ZNF385D: variants seen among roughly 807,000 people sequenced by gnomAD.
The protein encoded by ZNF385D is zinc finger protein 385D, also known as zinc finger protein 659.
A neutral mutation model predicts 35.8 loss-of-function variants in ZNF385D; 15 were observed. That is an observed-to-expected ratio of 0.42 (90% CI 0.28 to 0.64). The LOEUF (loss-of-function observed/expected upper bound fraction) is 0.64, where lower values mean the gene tolerates loss of function less well. Among genes scored for constraint, ZNF385D ranks in the 30% least tolerant of loss-of-function variants. ZNF385D has a pLI of 0.23. For synonymous variants in ZNF385D, 212 were observed against 186.8 expected (o/e 1.13, Z -1.10); for missense variants, 474 against 494.6 (o/e 0.96, Z 0.39).
At chr3:21,693,789 A>T (rs537781019) in intron 1 of ZNF385D, among the ~76,000 whole-genome samples, 18 of 152,118 alleles carry the variant, frequency 1.2e-4, no homozygotes, top group South Asian at 6.2e-4. Flanking sequence ...ATAAAAAATG[A>T]TGTATCATTT....
chr3:21,846,769 T>C (rs1478990455), intron 3 of ZNF385D, among the ~76,000 whole-genome samples: 2 of 151,976 alleles, frequency 1.3e-5, no homozygotes, highest in African/African-American at 2.4e-5. Context: ...TTCTAGCGGC[T>C]TAATGGTGCG....
intron 2 of ZNF385D, among the ~76,000 whole-genome samples, chr3:22,293,090 TTA>T (rs1272304117): frequency 9.2e-5 from 14 of 152,138 alleles, no homozygotes; most frequent in African/African-American, 3.4e-4. Context: ...CATTACTGTC[TTA>T]TATATAACTC....
chr3:22,320,830 T>C (rs556132674), intron 2 of ZNF385D, among the ~76,000 whole-genome samples: 6 of 151,940 alleles, frequency 3.9e-5, no homozygotes, highest in Non-Finnish European at 5.9e-5. Context: ...ATTTTATAAG[T>C]GTTCAACATT....
At chr3:22,327,768 G>C (rs924633632) in intron 2 of ZNF385D, among the ~76,000 whole-genome samples, 1 of 152,186 alleles carries the variant, frequency 6.6e-6, no homozygotes, top group Non-Finnish European at 1.5e-5. Flanking sequence ...CTATATTTCA[G>C]TGATGCTGCA....
Position 22,092,335 on chromosome 3 carries a change from A to T in ZNF385D, c.325+76482T>A, listed in dbSNP as rs142777892. 2.5e-4 allele frequency among the ~76,000 whole-genome samples: 38 copies of T among 152,266 alleles called. 1 individual carries two copies. Among genetic ancestry groups the T allele is most frequent in the Admixed American group, 2.2e-3 (33 of 15,288 alleles). Reference sequence around the variant, plus strand: ...TATGCTTCTTGACGTTGGCTCCTACAACACAGCTTGTTTCTACAAAGCCTG... The same window carrying T: ...TATGCTTCTTGACGTTGGCTCCTACTACACAGCTTGTTTCTACAAAGCCTG... On this transcript the variant is annotated intron_variant, in intron 3 of 5. Transcript: ENST00000494108.
In ZNF385D at chr3:22,108,607, G is replaced by A. The variant is rs941454457; in HGVS notation, c.325+60210C>T. 2.0e-5 allele frequency among the ~76,000 whole-genome samples: 3 copies of A among 152,078 alleles called. No individual in the cohort carries two copies. The East Asian group carries it at 5.8e-4, about 29-fold the overall frequency. ...CAAACTTTGCCACTGACTAAGAGAG[G>A]GGCCTTAGAAAAGTTACTTAACCTC... On this transcript the variant is annotated intron_variant, in intron 3 of 5. Coordinates refer to the ZNF385D transcript ENST00000494108.
intron 3 of ZNF385D, among the ~76,000 whole-genome samples, chr3:21,775,892 A>T (rs915862775): frequency 2.6e-5 from 4 of 151,360 alleles, no homozygotes; most frequent in Non-Finnish European, 5.9e-5. Flanking sequence ...TATTAGAAAA[A>T]TTTTAAAAAA....
chr3:22,082,192 G>A (rs1242519996), intron 3 of ZNF385D, among the ~76,000 whole-genome samples: 1 of 152,156 alleles, frequency 6.6e-6, no homozygotes, highest in South Asian at 2.1e-4. Flanking sequence ...TTATCTCACT[G>A]GGACAGGTTG....
intron 2 of ZNF385D, among the ~76,000 whole-genome samples, chr3:22,286,996 A>T (rs1702058377): frequency 6.6e-6 from 1 of 151,978 alleles, no homozygotes; most frequent in Non-Finnish European, 1.5e-5. Flanking sequence ...CAATTAATGT[A>T]TTAGACTCTA....
At chr3:21,837,556 A>T (rs1695405315) in intron 3 of ZNF385D, among the ~76,000 whole-genome samples, 1 of 152,048 alleles carries the variant, frequency 6.6e-6, no homozygotes, top group African/African-American at 2.4e-5. Flanking sequence ...GTTCAGAGCA[A>T]GTCAGAATAC....
intron 3 of ZNF385D, among the ~76,000 whole-genome samples, chr3:22,072,916 C>T (rs939634290): frequency 6.6e-6 from 1 of 151,870 alleles, no homozygotes; most frequent in Non-Finnish European, 1.5e-5. Context: ...AGATTCAGGG[C>T]CAAGAGAAAA....
intron 1 of ZNF385D, among the ~76,000 whole-genome samples, chr3:21,707,192 ACTC>A (rs1475718033): frequency 6.6e-6 from 1 of 152,010 alleles, no homozygotes; most frequent in East Asian, 1.9e-4. Flanking sequence ...TTTTTTAATA[ACTC>A]CTATTTAGAT....
intron 3 of ZNF385D, among the ~76,000 whole-genome samples, chr3:22,049,746 C>T (rs1426931750): frequency 6.6e-6 from 1 of 152,096 alleles, no homozygotes; most frequent in African/African-American, 2.4e-5. Flanking sequence ...TTTTCAGCAT[C>T]CATTGAAATG....
intron 3 of ZNF385D, among the ~76,000 whole-genome samples, chr3:22,102,278 A>T (rs1701979228): frequency 6.6e-6 from 1 of 151,926 alleles, no homozygotes; most frequent in Admixed American, 6.6e-5. Flanking sequence ...TACACTCATG[A>T]TTTCACTTCA....
intron 3 of ZNF385D, among the ~76,000 whole-genome samples, chr3:21,771,429 CA>C (rs892973944): frequency 1.1e-4 from 17 of 151,418 alleles, no homozygotes; most frequent in African/African-American, 3.6e-4. Flanking sequence ...CAGTTTTTAG[CA>C]AGAAAATAAA....
At chr3:22,142,815 C>T (rs1559403374) in intron 3 of ZNF385D, among the ~76,000 whole-genome samples, 1 of 152,030 alleles carries the variant, frequency 6.6e-6, no homozygotes, top group Non-Finnish European at 1.5e-5. Context: ...CACAGCTTCT[C>T]TCAAAACAGC....
At chr3:22,172,123 A>C (rs1576442026) in intron 2 of ZNF385D, among the ~76,000 whole-genome samples, 1 of 152,282 alleles carries the variant, frequency 6.6e-6, no homozygotes, top group East Asian at 1.9e-4. Flanking sequence ...CAATTTGTCC[A>C]CTTTTTTCCC....
chr3:22,188,892 T>A (rs190286110), intron 2 of ZNF385D, among the ~76,000 whole-genome samples: 1 of 152,284 alleles, frequency 6.6e-6, no homozygotes. Flanking sequence ...TAACACTGGT[T>A]ACAAAGACAA....
Position 21,421,312 on chromosome 3 carries a change from TTGC to T in ZNF385D, c.1087_1089del (p.Ala363del), listed in dbSNP as rs1212983160. 6.2e-7 allele frequency: 1 copy of T among 1,613,972 alleles called. No individual in the cohort carries two copies. The highest frequency in any genetic ancestry group is 8.5e-7 in the Non-Finnish European group (1 of 1,180,006). ...GGAAGCGCGGAAGTCTGGAACAGTG[TTGC>T]TGCTGGAGCAGTTCGAAGACTGAAG... On this transcript the variant is annotated inframe_deletion, in exon 8 of 8. Coordinates refer to ENST00000281523, the MANE Select transcript of ZNF385D (RefSeq NM_024697.3).
Sources: gnomAD v4.1 joint callset for allele counts (sites outside exome capture counted in the v4.1 genomes callset) on GRCh38, gnomAD v4.1.1 for gene constraint, MANE v1.5 for transcripts, NCBI Gene and HGNC (gene_info 2026-07-23, HGNC 2026-07-21) for gene names.